DAB1: variants seen among roughly 807,000 people sequenced by gnomAD.
DAB1 encodes DAB adaptor protein 1.
In DAB1, 15 loss-of-function variants were observed where a neutral mutation model predicts 64.6. The ratio of observed to expected loss-of-function variants is 0.23; its 90% CI spans 0.16 to 0.36. DAB1 has a LOEUF of 0.36. DAB1 is among the 10% of genes least tolerant of loss of function. The pLI, the probability that DAB1 is intolerant of heterozygous loss-of-function variation, is 1.00. For synonymous variants in DAB1, 235 were observed against 251.9 expected, an observed-to-expected ratio of 0.93 and a Z score of 0.64; for missense variants, 596 against 706.7, an observed-to-expected ratio of 0.84 and a Z score of 1.78.
intron 7 of DAB1, among the ~76,000 whole-genome samples, chr1:57,452,166 C>CCCCCT (rs367685387): frequency 1.7e-4 from 13 of 75,018 alleles, no homozygotes; most frequent in African/African-American, 7.3e-4. Flanking sequence ...TGCACCCCCC[C>CCCCCT]TTTTTTTTTT....
intron 5 of DAB1, among the ~76,000 whole-genome samples, chr1:58,059,794 A>G (rs1199514675): frequency 6.6e-6 from 1 of 152,204 alleles, no homozygotes; most frequent in African/African-American, 2.4e-5. Flanking sequence ...TTTTCATTTC[A>G]CAAGAAGTCA....
intron 5 of DAB1, among the ~76,000 whole-genome samples, chr1:58,138,798 G>A (rs912785586): frequency 1.3e-5 from 2 of 152,120 alleles, no homozygotes; most frequent in African/African-American, 4.8e-5. Context: ...GTTAGGCAGG[G>A]TGGTAAAGGG....
chr1:57,987,331 T>A (rs946747300), intron 5 of DAB1, among the ~76,000 whole-genome samples: 1 of 152,198 alleles, frequency 6.6e-6, no homozygotes, highest in Non-Finnish European at 1.5e-5. Flanking sequence ...GAGTCTATTG[T>A]TATTTTTACC....
rs576012616 is a variant in DAB1, at chr1:58,153,865, G to C, written n.310-3277C>G. 2.0e-5 allele frequency among the ~76,000 whole-genome samples: 3 copies of C among 147,760 alleles called. No homozygotes were observed. In the East Asian group the frequency reaches 6.0e-4, roughly 29 times the overall value. On this transcript the variant is annotated intron_variant and non_coding_transcript_variant, in intron 4 of 20. Coordinates refer to the DAB1 transcript ENST00000485760. ...CCCAGTTTCTCATCTAGTGTGCTGAGGGCCTATCCCAAGAAGTGAAGCCTG... is the reference window on the plus strand; with the variant it reads ...CCCAGTTTCTCATCTAGTGTGCTGACGGCCTATCCCAAGAAGTGAAGCCTG...
At chr1:57,618,080 C>A (rs1435135218) in intron 7 of DAB1, among the ~76,000 whole-genome samples, 1 of 152,150 alleles carries the variant, frequency 6.6e-6, no homozygotes, top group Non-Finnish European at 1.5e-5. Flanking sequence ...AAGATGCACC[C>A]TCTCTGCAGA....
intron 7 of DAB1, among the ~76,000 whole-genome samples, chr1:57,485,303 G>T (rs1362125816): frequency 6.6e-6 from 1 of 152,118 alleles, no homozygotes; most frequent in African/African-American, 2.4e-5. Flanking sequence ...TTGTTCTATG[G>T]GGTGAGACCC....
chr1:58,506,205 C>CT (rs1300414182), exon 3 of DAB1: 1 of 867,436 alleles, frequency 1.2e-6, no homozygotes, highest in Admixed American at 1.7e-5. Flanking sequence ...TATGTCTGCA[C>CT]AAGCCTAAAA....
At chr1:57,912,529 G>T (rs1644661741) in intron 5 of DAB1, among the ~76,000 whole-genome samples, 1 of 152,234 alleles carries the variant, frequency 6.6e-6, no homozygotes, top group East Asian at 1.9e-4. Flanking sequence ...TTGAAAACTG[G>T]CACAAGACAG....
chr1:57,713,644 C>A (rs1433590588), intron 6 of DAB1, among the ~76,000 whole-genome samples: 1 of 152,110 alleles, frequency 6.6e-6, no homozygotes. Context: ...TACTACAAAT[C>A]CCATCAATGG....
chr1:57,702,123 T>C (rs1391435996), intron 6 of DAB1, among the ~76,000 whole-genome samples: 1 of 152,168 alleles, frequency 6.6e-6, no homozygotes, highest in East Asian at 1.9e-4. Flanking sequence ...CTTTGCTGTC[T>C]GGCTTGTTAT....
At chr1:57,117,456 C>G (rs1298335702) in intron 4 of DAB1, among the ~76,000 whole-genome samples, 2 of 152,226 alleles carry the variant, frequency 1.3e-5, no homozygotes, top group Non-Finnish European at 2.9e-5. Context: ...CCCAAGATCA[C>G]AGAACTGGTG....
At chr1:57,756,674 TA>T (rs35807001) in intron 6 of DAB1, among the ~76,000 whole-genome samples, 16,886 of 140,676 alleles carry the variant, frequency 0.12, 1,039 homozygotes, top group East Asian at 0.22. Context: ...CTGCAGGCAA[TA>T]AAAAAAAAAA....
intron 5 of DAB1, among the ~76,000 whole-genome samples, chr1:57,935,353 G>A (rs527533658): frequency 5.9e-5 from 9 of 152,220 alleles, no homozygotes; most frequent in African/African-American, 9.6e-5. Flanking sequence ...GATTTTGTGC[G>A]AATTAATTGA....
chr1:57,353,822 C>A (rs1292516298), intron 1 of DAB1, among the ~76,000 whole-genome samples: 1 of 152,154 alleles, frequency 6.6e-6, no homozygotes, highest in Non-Finnish European at 1.5e-5. Context: ...GCCCCAGGGC[C>A]TTCAGCCAAA....
intron 6 of DAB1, among the ~76,000 whole-genome samples, chr1:57,697,262 T>A (rs1646855868): frequency 6.6e-6 from 1 of 152,088 alleles, no homozygotes; most frequent in Middle Eastern, 3.2e-3. Flanking sequence ...AATCAAAATT[T>A]AGAATCTTTC....
chr1:57,474,826 G>A (rs1248373120), intron 7 of DAB1, among the ~76,000 whole-genome samples: 1 of 152,182 alleles, frequency 6.6e-6, no homozygotes, highest in African/African-American at 2.4e-5. Context: ...ATATAAACAT[G>A]TATTATAGTG....
chr1:58,267,547 G>A (rs1014961774), intron 4 of DAB1, among the ~76,000 whole-genome samples: 2 of 152,140 alleles, frequency 1.3e-5, no homozygotes, highest in African/African-American at 4.8e-5. Context: ...CCTACCTTGG[G>A]CCTAGCTTGT....
intron 4 of DAB1, among the ~76,000 whole-genome samples, chr1:58,151,697 G>A (rs947143129): frequency 6.6e-6 from 1 of 152,134 alleles, no homozygotes; most frequent in East Asian, 1.9e-4. Flanking sequence ...TTCAGCAAAC[G>A]GTTCCTGAAT....
intron 5 of DAB1, among the ~76,000 whole-genome samples, chr1:57,903,299 T>G (rs1644503135): frequency 6.6e-6 from 1 of 152,196 alleles, no homozygotes; most frequent in South Asian, 2.1e-4. Context: ...AGTTTTCTAA[T>G]TCTATCATTC....
Sources: allele counts gnomAD v4.1 joint callset (sites outside exome capture counted in the v4.1 genomes callset), GRCh38; gene constraint gnomAD v4.1.1; transcripts MANE v1.5; gene names NCBI Gene and HGNC (gene_info 2026-07-23, HGNC 2026-07-21).